The following USH2A variants were observed in gnomAD, a reference collection of about 807,000 sequenced individuals.
USH2A encodes Usher syndrome 2A (autosomal recessive, mild).
Under a neutral mutation model 538.9 loss-of-function variants are expected in USH2A, and 443 were observed. That is an observed-to-expected ratio of 0.82 (90% confidence interval 0.76 to 0.89). USH2A has a LOEUF of 0.89. USH2A is among the 40% of genes least tolerant of loss of function. The pLI, the probability that USH2A is intolerant of heterozygous loss-of-function variation, is 0.00. For synonymous variants in USH2A, 2,413 were observed against 2,273.5 expected (o/e 1.06, Z -1.75); for missense variants, 6,633 against 6,324.8 (o/e 1.05, Z -1.65).
chr1:216,065,700 C>T (rs1390495487), intron 30 of USH2A, among the ~76,000 whole-genome samples: 1 of 151,968 alleles, frequency 6.6e-6, no homozygotes, highest in Admixed American at 6.6e-5. Context: ...AGTTCGAGAC[C>T]AGCCTGGCCA....
intron 11 of USH2A, among the ~76,000 whole-genome samples, chr1:216,277,058 C>G (rs2036683315): frequency 6.6e-6 from 1 of 152,140 alleles, no homozygotes; most frequent in Non-Finnish European, 1.5e-5. Flanking sequence ...CATATCTAAA[C>G]AAAAGTTGTT....
At chr1:215,896,790 AC>A (rs1665354340) in intron 40 of USH2A, among the ~76,000 whole-genome samples, 2 of 152,308 alleles carry the variant, frequency 1.3e-5, no homozygotes, top group Admixed American at 1.3e-4. Flanking sequence ...TAATCTTAGG[AC>A]ATTTTTGCAA....
intron 30 of USH2A, among the ~76,000 whole-genome samples, chr1:216,064,745 A>G (rs1482272508): frequency 6.6e-6 from 1 of 152,194 alleles, no homozygotes; most frequent in African/African-American, 2.4e-5. Flanking sequence ...TATTCAATAG[A>G]GTAACATGCT....
intron 61 of USH2A, among the ~76,000 whole-genome samples, chr1:215,719,414 G>A (rs76745138): frequency 0.012 from 1,764 of 148,632 alleles, 36 homozygotes; most frequent in African/African-American, 0.041. Context: ...GTTTAGAAAG[G>A]AAATAGAACC....
chr1:216,022,981 A>T (rs1024213919), intron 32 of USH2A, among the ~76,000 whole-genome samples: 7 of 152,280 alleles, frequency 4.6e-5, no homozygotes, highest in African/African-American at 1.4e-4. Context: ...ATTGGTGTCC[A>T]GCTTGATCCT....
chr1:216,048,647 C>T lies in USH2A; in HGVS notation c.6050G>A (p.Gly2017Asp), dbSNP rs397518024. The change falls in exon 31 of 72, where the codon GGC (glycine) becomes GAC (aspartate). Residue 2017 changes from glycine (G) to aspartate (D), a missense_variant and splice_region_variant. Physicochemically the swap from Gly to Asp is moderately conservative, Grantham distance 94. Transcript: ENST00000307340. ...AEFVNTSNLTGILTGLLPFKN... is the reference protein window; with the variant it reads ...AEFVNTSNLTDILTGLLPFKN... ...GAAGGGTAGCAAGCCTGTCAATATG[C>T]CTATAATAAAAAGGGACAAAAGAGG... 6.2e-6 allele frequency: 10 copies of T among 1,613,264 alleles called. No individual in the cohort carries two copies. In the East Asian group the frequency reaches 2.0e-4, roughly 32 times the overall value.
chr1:215,758,527 T>A, intron 58 of USH2A, 68 bp downstream of exon 58: 1 of 1,547,460 alleles, frequency 6.5e-7, no homozygotes, highest in Non-Finnish European at 8.9e-7. Flanking sequence ...AACAGTTCTA[T>A]TCTTATCTCT....
intron 32 of USH2A, among the ~76,000 whole-genome samples, chr1:216,033,722 G>GC (rs1416687610): frequency 6.6e-6 from 1 of 151,996 alleles, no homozygotes; most frequent in South Asian, 2.1e-4. Flanking sequence ...TGCACCTGTG[G>GC]CCCCAGCTAC....
intron 40 of USH2A, among the ~76,000 whole-genome samples, chr1:215,894,064 T>C (rs1665267135): frequency 6.6e-6 from 1 of 152,148 alleles, no homozygotes; most frequent in Non-Finnish European, 1.5e-5. Context: ...TCTTCTGTTC[T>C]ATGCAAAATA....
intron 30 of USH2A, among the ~76,000 whole-genome samples, chr1:216,057,716 A>G (rs1176082634): frequency 6.6e-6 from 1 of 152,098 alleles, no homozygotes; most frequent in Non-Finnish European, 1.5e-5. Flanking sequence ...GTAATAAACT[A>G]CAAATATTGG....
At chr1:216,338,295 A>G (rs2038012774) in intron 4 of USH2A, among the ~76,000 whole-genome samples, 1 of 151,502 alleles carries the variant, frequency 6.6e-6, no homozygotes, top group African/African-American at 2.4e-5. Context: ...CTGAAACAAG[A>G]TGTTAAACAC....
At chr1:216,401,211 G>T (rs2039298520) in intron 3 of USH2A, among the ~76,000 whole-genome samples, 1 of 152,072 alleles carries the variant, frequency 6.6e-6, no homozygotes, top group South Asian at 2.1e-4. Context: ...AATGGAAGTA[G>T]TAATATGTCC....
intron 58 of USH2A, among the ~76,000 whole-genome samples, chr1:215,754,791 G>A (rs186541685): frequency 3.9e-5 from 6 of 152,210 alleles, no homozygotes; most frequent in South Asian, 2.1e-4. Context: ...AGAAACTGGC[G>A]GACTCATGTT....
intron 21 of USH2A, among the ~76,000 whole-genome samples, chr1:216,126,551 C>A (rs2033258074): frequency 6.6e-6 from 1 of 152,074 alleles, no homozygotes; most frequent in Non-Finnish European, 1.5e-5. Context: ...AGACATTACT[C>A]TAAGCACATC....
At position 216,073,085 on chromosome 1, in the gene USH2A, C is replaced by T. The variant is rs1571936090; in HGVS notation, c.5776+12G>A. 8 of 1,613,618 alleles carry T rather than the reference C, an allele frequency of 5.0e-6. No homozygotes were observed. Among genetic ancestry groups the T allele is most frequent in the Non-Finnish European group, 5.9e-6 (7 of 1,179,878 alleles). Reference sequence around the variant, plus strand: ...GACATGTAACATTTAATTTAGAGGACCTCCACATTACCTGTAAAAGGCTGG... The same window carrying T: ...GACATGTAACATTTAATTTAGAGGATCTCCACATTACCTGTAAAAGGCTGG... On this transcript the variant is annotated intron_variant, in intron 28 of 71. Transcript: ENST00000307340.
intron 26 of USH2A, among the ~76,000 whole-genome samples, chr1:216,082,736 T>C (rs1448347083): frequency 2.6e-5 from 4 of 152,084 alleles, no homozygotes; most frequent in Admixed American, 6.6e-5. Context: ...GTCTTATTCA[T>C]TGAAGCAAAA....
chr1:215,915,772 G>A (rs563537582), intron 38 of USH2A, among the ~76,000 whole-genome samples: 73 of 151,708 alleles, frequency 4.8e-4, no homozygotes, highest in Middle Eastern at 3.4e-3. Flanking sequence ...CAATAGCAAA[G>A]ACTTGGAACC....
At chr1:216,238,482 T>C (rs1345003188) in intron 13 of USH2A, among the ~76,000 whole-genome samples, 2 of 152,234 alleles carry the variant, frequency 1.3e-5, no homozygotes, top group African/African-American at 2.4e-5. Context: ...CATTCATATA[T>C]GTACACACAC....
At chr1:216,121,399 G>A (rs1571978065) in intron 21 of USH2A, among the ~76,000 whole-genome samples, 1 of 135,614 alleles carries the variant, frequency 7.4e-6, no homozygotes, top group East Asian at 3.2e-4. Flanking sequence ...TTTAAATTTT[G>A]CTGGTTTTTT....
Sources: gnomAD v4.1 joint callset for allele counts (sites outside exome capture counted in the v4.1 genomes callset) on GRCh38, gnomAD v4.1.1 for gene constraint, MANE v1.5 for transcripts, NCBI Gene and HGNC (gene_info 2026-07-23, HGNC 2026-07-21) for gene names.